The following SSH2 variants were observed in gnomAD, a reference collection of about 807,000 sequenced individuals.
The protein encoded by SSH2 is protein phosphatase Slingshot homolog 2.
In SSH2, 37 loss-of-function variants were observed where a neutral mutation model predicts 135.2. The observed-to-expected ratio is 0.27, with a 90% CI of 0.21 to 0.36. The LOEUF is 0.36. SSH2 is among the 10% of genes least tolerant of loss of function. The pLI is 1.00. For synonymous variants in SSH2, 628 were observed against 646.2 expected (o/e 0.97, Z 0.43); for missense variants, 1,408 against 1,765.3 (o/e 0.80, Z 3.63).
chr17:29,723,438 G>A (rs1432677409), intron 3 of SSH2, among the ~76,000 whole-genome samples: 1 of 152,178 alleles, frequency 6.6e-6, no homozygotes, highest in Non-Finnish European at 1.5e-5. Flanking sequence ...AGTGCCCAGT[G>A]TAACGCTATA....
intron 1 of SSH2, among the ~76,000 whole-genome samples, chr17:29,849,256 G>A (rs1360864480): frequency 6.6e-6 from 1 of 151,892 alleles, no homozygotes; most frequent in Admixed American, 6.6e-5. Context: ...GAGGCAGGAG[G>A]ATCACAAGGT....
intron 5 of SSH2, among the ~76,000 whole-genome samples, chr17:29,691,526 T>C (rs1474552298): frequency 6.6e-6 from 1 of 151,742 alleles, no homozygotes; most frequent in Non-Finnish European, 1.5e-5. Flanking sequence ...AGTCTCGCTC[T>C]GTTGCCCAGG....
intron 5 of SSH2, among the ~76,000 whole-genome samples, chr17:29,685,550 C>T (rs2038175934): frequency 6.6e-6 from 1 of 152,032 alleles, no homozygotes; most frequent in Non-Finnish European, 1.5e-5. Flanking sequence ...CTTTGGGAGG[C>T]CAAGGTAGGC....
intron 8 of SSH2, 109 bp downstream of exon 8, chr17:29,676,711 A>C: frequency 2.2e-6 from 2 of 893,990 alleles, no homozygotes; most frequent in Non-Finnish European, 3.6e-6. Flanking sequence ...TTATACAAAC[A>C]GATCATTTAG....
intron 1 of SSH2, among the ~76,000 whole-genome samples, chr17:29,880,232 A>C (rs563406940): frequency 1.3e-5 from 2 of 152,140 alleles, no homozygotes; most frequent in South Asian, 4.2e-4. Flanking sequence ...CAAATGATTC[A>C]CCTCAGTCTG....
intron 3 of SSH2, among the ~76,000 whole-genome samples, chr17:29,737,496 A>G (rs2040411814): frequency 6.6e-6 from 1 of 152,216 alleles, no homozygotes; most frequent in South Asian, 2.1e-4. Context: ...GTGACCAATA[A>G]ATAAATGAAT....
At chr17:29,913,347 A>AAAAAATTATATATATATAT in intron 1 of SSH2, among the ~76,000 whole-genome samples, 4 of 28,784 alleles carry the variant, frequency 1.4e-4, no homozygotes, top group Non-Finnish European at 1.8e-4. Context: ...AAAAAAAAAA[A>AAAAAATTATATATATATAT]ATATATATAT....
At chr17:29,855,126 TC>T (rs2065638793) in intron 1 of SSH2, among the ~76,000 whole-genome samples, 1 of 152,106 alleles carries the variant, frequency 6.6e-6, no homozygotes, top group African/African-American at 2.4e-5. Context: ...CATCCTCTCC[TC>T]TTTTTTTTTT....
intron 3 of SSH2, among the ~76,000 whole-genome samples, chr17:29,781,165 A>G (rs2041832510): frequency 6.6e-6 from 1 of 152,200 alleles, no homozygotes; most frequent in Non-Finnish European, 1.5e-5. Context: ...AAGTTAATAT[A>G]GTCTTTAACT....
chr17:29,651,004 G>C (rs984105204), intron 12 of SSH2, among the ~76,000 whole-genome samples: 6 of 152,170 alleles, frequency 3.9e-5, no homozygotes, highest in African/African-American at 1.4e-4. Context: ...CTGGGCACCA[G>C]GGAATTATTA....
At chr17:29,642,366 C>G (rs1276252728) in intron 14 of SSH2, among the ~76,000 whole-genome samples, 2 of 152,148 alleles carry the variant, frequency 1.3e-5, no homozygotes, top group African/African-American at 4.8e-5. Flanking sequence ...GGTCACCACC[C>G]AGGTTTTTTT....
intron 2 of SSH2, among the ~76,000 whole-genome samples, chr17:29,824,808 C>T (rs77904489): frequency 0.012 from 1,766 of 152,294 alleles, 31 homozygotes; most frequent in African/African-American, 0.039. Context: ...TTGCCTGCCC[C>T]ATCAATTCCT....
chr17:29,802,407 G>A lies in SSH2; in HGVS notation c.145-8470C>T, dbSNP rs557096337. Among the ~76,000 whole-genome samples, 7 of 152,172 alleles carry A rather than the reference G, an allele frequency of 4.6e-5. No individual in the cohort carries two copies. In the South Asian group the frequency reaches 8.3e-4, roughly 18 times the overall value. On this transcript the variant is annotated intron_variant, in intron 2 of 15. Coordinates refer to ENST00000540801, the MANE Select transcript of SSH2 (RefSeq NM_001282129.2). ...TTATAGAAGCAACAGAGGAAGAAGT[G>A]ACTAACTATGGTGTTGGGAAATCCT...
At chr17:29,856,312 G>A in intron 1 of SSH2, 1 of 243,504 alleles carries the variant, frequency 4.1e-6, no homozygotes, top group South Asian at 4.7e-5. Flanking sequence ...AAAAGGAACA[G>A]TTTAGCAGGC....
intron 1 of SSH2, among the ~76,000 whole-genome samples, chr17:29,908,763 G>GAAAAAA (rs60242323): frequency 9.8e-5 from 5 of 50,880 alleles, no homozygotes; most frequent in Admixed American, 2.9e-4. Flanking sequence ...GACTCCATCT[G>GAAAAAA]AAAAAAAAAA....
intron 2 of SSH2, among the ~76,000 whole-genome samples, chr17:29,820,024 A>G (rs2042625714): frequency 6.6e-6 from 1 of 152,152 alleles, no homozygotes; most frequent in African/African-American, 2.4e-5. Context: ...AAACAAATCT[A>G]CTTTTTAAAT....
At chr17:29,880,497 C>G (rs1438412169) in intron 1 of SSH2, among the ~76,000 whole-genome samples, 1 of 152,166 alleles carries the variant, frequency 6.6e-6, no homozygotes, top group Non-Finnish European at 1.5e-5. Context: ...AGAATCCTCC[C>G]TGTAGAACTG....
intron 3 of SSH2, among the ~76,000 whole-genome samples, chr17:29,758,532 C>T (rs1384009067): frequency 6.6e-6 from 1 of 152,176 alleles, no homozygotes; most frequent in Non-Finnish European, 1.5e-5. Flanking sequence ...CAGAGATTTA[C>T]AGTTCACAAA....
chr17:29,679,653 G>A (rs569755399), intron 6 of SSH2, among the ~76,000 whole-genome samples: 70 of 152,172 alleles, frequency 4.6e-4, no homozygotes, highest in Middle Eastern at 3.4e-3. Flanking sequence ...TGATCCACCC[G>A]CCTTGGCCTC....
Sources: allele counts gnomAD v4.1 joint callset (sites outside exome capture counted in the v4.1 genomes callset), GRCh38; gene constraint gnomAD v4.1.1; transcripts MANE v1.5; gene names NCBI Gene and HGNC (gene_info 2026-07-23, HGNC 2026-07-21).